PPARGC1A: variants seen among roughly 807,000 people sequenced by gnomAD.
PPARGC1A encodes peroxisome proliferator-activated receptor gamma coactivator 1-alpha.
In PPARGC1A, 25 loss-of-function variants were observed where a neutral mutation model predicts 88.7. The ratio of observed to expected loss-of-function variants is 0.28; its 90% CI spans 0.21 to 0.39. PPARGC1A has a LOEUF of 0.39. PPARGC1A is among the 10% of genes least tolerant of loss of function. PPARGC1A has a pLI of 1.00. For synonymous variants in PPARGC1A, 363 were observed against 355.6 expected (o/e 1.02, Z -0.24); for missense variants, 880 against 968.7 (o/e 0.91, Z 1.22).
At chr4:24,118,835 G>A in the PPARGC1A span, among the ~76,000 whole-genome samples, 1 of 152,098 alleles carries the variant, frequency 6.6e-6, no homozygotes, top group Non-Finnish European at 1.5e-5. Flanking sequence ...TTAAGTGGAG[G>A]TCAACACAAT....
intron 2 of PPARGC1A, among the ~76,000 whole-genome samples, chr4:23,873,520 GTC>G (rs893536369): frequency 2.6e-5 from 4 of 152,136 alleles, no homozygotes; most frequent in Non-Finnish European, 5.9e-5. Flanking sequence ...GTGGAAACTG[GTC>G]TCTGAGTTTC....
chr4:24,070,562 C>T, the PPARGC1A span, among the ~76,000 whole-genome samples: 5 of 152,030 alleles, frequency 3.3e-5, no homozygotes, highest in Non-Finnish European at 5.9e-5. Context: ...ACTTAGGTTC[C>T]AGAAACACAA....
chr4:24,466,229 A>C, the PPARGC1A span, among the ~76,000 whole-genome samples: 1 of 152,248 alleles, frequency 6.6e-6, no homozygotes, highest in Non-Finnish European at 1.5e-5. Flanking sequence ...TTCATCAAAA[A>C]GAATTCTATC....
chr4:24,327,313 C>T, the PPARGC1A span, among the ~76,000 whole-genome samples: 2 of 152,178 alleles, frequency 1.3e-5, no homozygotes, highest in Admixed American at 1.3e-4. Flanking sequence ...ATTCACTGTT[C>T]TCAACTACTC....
chr4:24,357,547 A>G, the PPARGC1A span, among the ~76,000 whole-genome samples: 116 of 152,334 alleles, frequency 7.6e-4, 1 homozygote, highest in Non-Finnish European at 1.2e-4. Flanking sequence ...TCTACAAGGC[A>G]TTTACGCTGA....
At chr4:23,893,314 G>T (rs1363057156), upstream of PPARGC1A, among the ~76,000 whole-genome samples, 1 of 152,018 alleles carries the variant, frequency 6.6e-6, no homozygotes, top group East Asian at 1.9e-4. Flanking sequence ...TCAGACAACT[G>T]CCCATTTCTA....
the PPARGC1A span, among the ~76,000 whole-genome samples, chr4:24,449,478 A>G: frequency 1.2e-3 from 185 of 152,292 alleles, no homozygotes; most frequent in African/African-American, 4.0e-3. Context: ...ACTGCATTCA[A>G]TTTTGTTGTT....
the PPARGC1A span, among the ~76,000 whole-genome samples, chr4:24,344,356 A>T: frequency 1.3e-5 from 2 of 152,104 alleles, no homozygotes; most frequent in African/African-American, 2.4e-5. Flanking sequence ...ACTAGTTTAC[A>T]TTCCCACCGG....
the PPARGC1A span, among the ~76,000 whole-genome samples, chr4:23,979,285 A>G: frequency 2.0e-5 from 3 of 152,202 alleles, no homozygotes; most frequent in African/African-American, 7.2e-5. Flanking sequence ...ATACTTTGAA[A>G]TATCAATTTT....
the PPARGC1A span, among the ~76,000 whole-genome samples, chr4:24,429,986 G>A: frequency 1.3e-5 from 2 of 152,038 alleles, no homozygotes; most frequent in Non-Finnish European, 2.9e-5. Flanking sequence ...GACTTCAGAA[G>A]AGTTTTCTTG....
chr4:24,150,102 T>C, the PPARGC1A span, among the ~76,000 whole-genome samples: 1 of 152,130 alleles, frequency 6.6e-6, no homozygotes, highest in Non-Finnish European at 1.5e-5. Flanking sequence ...CTTTAATCAA[T>C]AAAAAGCTAA....
the PPARGC1A span, among the ~76,000 whole-genome samples, chr4:23,967,841 G>C: frequency 6.6e-6 from 1 of 152,034 alleles, no homozygotes; most frequent in Admixed American, 6.6e-5. Flanking sequence ...TGTGTGAAGC[G>C]GTGTGCAAGG....
the PPARGC1A span, among the ~76,000 whole-genome samples, chr4:24,036,641 A>G: frequency 6.6e-6 from 1 of 152,190 alleles, no homozygotes; most frequent in Non-Finnish European, 1.5e-5. Context: ...ATGAGAAACA[A>G]AAGAGTAATG....
the PPARGC1A span, among the ~76,000 whole-genome samples, chr4:24,051,187 CAAAAAAAAAA>C: frequency 1.4e-4 from 8 of 58,618 alleles, no homozygotes; most frequent in South Asian, 1.1e-3. Context: ...GACTCTGTCT[CAAAAAAAAAA>C]AAAAAAAAAA....
At chr4:24,021,000 CTTCCAGTCAACT>C in the PPARGC1A span, among the ~76,000 whole-genome samples, 2 of 152,318 alleles carry the variant, frequency 1.3e-5, no homozygotes, top group Admixed American at 1.3e-4. Flanking sequence ...AACATGAGGG[CTTCCAGTCAACT>C]GCCCAGTCTT....
At chr4:24,268,342 T>C in the PPARGC1A span, among the ~76,000 whole-genome samples, 1 of 152,348 alleles carries the variant, frequency 6.6e-6, no homozygotes, top group Admixed American at 6.5e-5. Flanking sequence ...TCCAGTCAGC[T>C]AACTCAGTTA....
chr4:24,210,159 T>C, the PPARGC1A span, among the ~76,000 whole-genome samples: 1 of 152,306 alleles, frequency 6.6e-6, no homozygotes, highest in East Asian at 1.9e-4. Context: ...AAATTCTCTG[T>C]CCTGAGTGTC....
At chr4:24,409,226 G>A in the PPARGC1A span, among the ~76,000 whole-genome samples, 7 of 152,138 alleles carry the variant, frequency 4.6e-5, no homozygotes, top group African/African-American at 1.7e-4. Context: ...TATGTGGTAG[G>A]CATCACAGAT....
the PPARGC1A span, among the ~76,000 whole-genome samples, chr4:24,358,552 C>T: frequency 2.6e-5 from 4 of 152,208 alleles, no homozygotes. Context: ...ATCACTTCTA[C>T]CCAATATTCT....
Sources: gnomAD v4.1 joint callset for allele counts (sites outside exome capture counted in the v4.1 genomes callset) on GRCh38, gnomAD v4.1.1 for gene constraint, MANE v1.5 for transcripts, NCBI Gene and HGNC (gene_info 2026-07-23, HGNC 2026-07-21) for gene names.